Variants in CCDC60 observed in about 807,000 individuals in gnomAD.
CCDC60 encodes the protein coiled-coil domain containing 60.
A neutral mutation model predicts 63.5 loss-of-function variants in CCDC60; 54 were observed. The ratio of observed to expected loss-of-function variants is 0.85; its 90% confidence interval spans 0.68 to 1.07. The LOEUF is 1.07. Among genes scored for constraint, CCDC60 ranks in the 50% least tolerant of loss-of-function variants. The pLI is 0.00. For missense variants in CCDC60, 651 were observed against 684.3 expected (o/e 0.95, Z 0.54); for synonymous variants, 206 against 238.8 (o/e 0.86, Z 1.27).
chr12:119,352,770 C>T (rs1592984043), intron 1 of CCDC60, among the ~76,000 whole-genome samples: 1 of 152,124 alleles, frequency 6.6e-6, no homozygotes, highest in Non-Finnish European at 1.5e-5. Flanking sequence ...AACCCCGTCT[C>T]TACTAAAAAC....
intron 6 of CCDC60, 41 bp from the exon 7 acceptor site, chr12:119,505,028 C>T: frequency 2.1e-6 from 3 of 1,433,596 alleles, no homozygotes; most frequent in Non-Finnish European, 2.9e-6. Flanking sequence ...CATCTTTTTC[C>T]CCCTCCTTCC....
intron 2 of CCDC60, among the ~76,000 whole-genome samples, chr12:119,450,790 G>T (rs190137236): frequency 1.3e-5 from 2 of 151,880 alleles, no homozygotes; most frequent in African/African-American, 2.4e-5. Flanking sequence ...CCCAGGAGGC[G>T]GAGGTTGCGG....
At chr12:119,486,415 G>A (rs1951440741) in intron 4 of CCDC60, among the ~76,000 whole-genome samples, 1 of 152,176 alleles carries the variant, frequency 6.6e-6, no homozygotes. Context: ...ATGCATGTCT[G>A]TAGTCCCAGC....
chr12:119,483,627 T>C (rs935764620), intron 4 of CCDC60, among the ~76,000 whole-genome samples: 7 of 152,162 alleles, frequency 4.6e-5, no homozygotes, highest in African/African-American at 1.7e-4. Flanking sequence ...CAATTTCTCT[T>C]GTAAAAGAAA....
intron 8 of CCDC60, among the ~76,000 whole-genome samples, 160 bp downstream of exon 8, chr12:119,516,867 T>C: frequency 6.6e-6 from 1 of 152,178 alleles, no homozygotes; most frequent in Middle Eastern, 3.2e-3. Context: ...TCCTACAAGG[T>C]AGGTACTATT....
chr12:119,498,475 G>A (rs1253913897), intron 5 of CCDC60, among the ~76,000 whole-genome samples: 1 of 152,134 alleles, frequency 6.6e-6, no homozygotes, highest in Non-Finnish European at 1.5e-5. Context: ...TGGGATTACA[G>A]GTGTGCGCCA....
At chr12:119,437,075 CAT>C (rs1037258291) in intron 2 of CCDC60, among the ~76,000 whole-genome samples, 4 of 152,176 alleles carry the variant, frequency 2.6e-5, no homozygotes, top group Admixed American at 6.5e-5. Flanking sequence ...ATCAAGAAGA[CAT>C]GTGGCACTTT....
intron 2 of CCDC60, among the ~76,000 whole-genome samples, chr12:119,462,764 G>A (rs950794014): frequency 7.9e-5 from 12 of 151,910 alleles, no homozygotes; most frequent in Non-Finnish European, 1.5e-5. Context: ...GGGACCATTG[G>A]CATATGCTAC....
chr12:119,381,714 A>G, intron 1 of CCDC60, among the ~76,000 whole-genome samples: 1 of 152,136 alleles, frequency 6.6e-6, no homozygotes, highest in African/African-American at 2.4e-5. Flanking sequence ...AGGAAGCTGG[A>G]GCTCAGAGAG....
chr12:119,488,294 AC>A (rs1325275842), intron 4 of CCDC60, among the ~76,000 whole-genome samples: 1 of 152,152 alleles, frequency 6.6e-6, no homozygotes, highest in Non-Finnish European at 1.5e-5. Flanking sequence ...GAGTTTCCAG[AC>A]TTTTTACACA....
chr12:119,337,391 G>A (rs922806323), intron 1 of CCDC60, among the ~76,000 whole-genome samples: 9 of 152,150 alleles, frequency 5.9e-5, no homozygotes, highest in Non-Finnish European at 1.0e-4. Flanking sequence ...CTGCCTCTTC[G>A]CAGCCCTGTG....
intron 2 of CCDC60, among the ~76,000 whole-genome samples, chr12:119,433,003 G>A (rs936547530): frequency 5.3e-5 from 8 of 152,296 alleles, no homozygotes; most frequent in African/African-American, 1.9e-4. Context: ...TAGTATATAA[G>A]GAGTGCTACA....
At chr12:119,336,387 A>C (rs1361518326) in intron 1 of CCDC60, among the ~76,000 whole-genome samples, 2 of 152,240 alleles carry the variant, frequency 1.3e-5, no homozygotes, top group Non-Finnish European at 2.9e-5. Context: ...GAACCAGATC[A>C]GTGAGCTGGG....
chr12:119,480,994 A>C (rs1951305183), intron 4 of CCDC60, among the ~76,000 whole-genome samples: 1 of 149,542 alleles, frequency 6.7e-6, no homozygotes, highest in Admixed American at 6.7e-5. Context: ...CATCATCACC[A>C]GCATCATCAT....
intron 1 of CCDC60, among the ~76,000 whole-genome samples, chr12:119,367,898 A>AG (rs35041222): frequency 7.1e-6 from 1 of 141,718 alleles, no homozygotes; most frequent in Non-Finnish European, 1.6e-5. Flanking sequence ...TAATATATAA[A>AG]GGGGTTTTTT....
intron 2 of CCDC60, among the ~76,000 whole-genome samples, chr12:119,461,215 T>C (rs548885036): frequency 1.3e-5 from 2 of 152,318 alleles, no homozygotes; most frequent in East Asian, 1.9e-4. Flanking sequence ...TACTAGGTAC[T>C]ACAGTAAACT....
intron 1 of CCDC60, among the ~76,000 whole-genome samples, chr12:119,344,836 TTCTCTCTC>T (rs796680771): frequency 1.0e-4 from 11 of 107,870 alleles, no homozygotes; most frequent in African/African-American, 3.9e-4. Flanking sequence ...CTCTCTCTCT[TTCTCTCTC>T]TCTCTCTCTC....
At chr12:119,449,620 C>A (rs574985353) in intron 2 of CCDC60, among the ~76,000 whole-genome samples, 16 of 152,132 alleles carry the variant, frequency 1.1e-4, no homozygotes, top group Admixed American at 2.0e-4. Flanking sequence ...AATAGATATT[C>A]TTTAAGTAGT....
At chr12:119,441,084 C>T (rs1950435634) in intron 2 of CCDC60, among the ~76,000 whole-genome samples, 1 of 152,196 alleles carries the variant, frequency 6.6e-6, no homozygotes, top group South Asian at 2.1e-4. Context: ...GCAGGCAGAG[C>T]TCAGCACCAG....
Sources: gnomAD v4.1 joint callset for allele counts (sites outside exome capture counted in the v4.1 genomes callset) on GRCh38, gnomAD v4.1.1 for gene constraint, MANE v1.5 for transcripts, NCBI Gene and HGNC (gene_info 2026-07-23, HGNC 2026-07-21) for gene names.